The following TMPRSS7 variants were observed in gnomAD, a reference collection of about 807,000 sequenced individuals.
The protein encoded by TMPRSS7 is transmembrane protease serine 7.
Under a neutral mutation model 95.6 loss-of-function variants are expected in TMPRSS7, and 81 were observed. That is an observed-to-expected ratio of 0.85 (90% CI 0.71 to 1.02). The LOEUF (loss-of-function observed/expected upper bound fraction) is 1.02. Ranked by LOEUF, TMPRSS7 falls within the 50% of genes least tolerant of loss-of-function variation. The pLI is 0.00. For synonymous variants in TMPRSS7, 364 were observed against 337.8 expected (o/e 1.08, Z -0.85); for missense variants, 945 against 955.2 (o/e 0.99, Z 0.14).
exon 18 of TMPRSS7, chr3:112,080,979 T>C: frequency 6.2e-7 from 1 of 1,613,998 alleles, no homozygotes; most frequent in Non-Finnish European, 8.5e-7. Flanking sequence ...TGACTGGCAT[T>C]GTTAGCTGGG....
chr3:112,052,298 A>G (rs1221925190), intron 9 of TMPRSS7, among the ~76,000 whole-genome samples: 1 of 152,052 alleles, frequency 6.6e-6, no homozygotes, highest in Non-Finnish European at 1.5e-5. Flanking sequence ...ATACCAGGAT[A>G]AGAATGTTGC....
At chr3:112,071,503 G>C (rs1219869491) in intron 13 of TMPRSS7, among the ~76,000 whole-genome samples, 7 of 152,326 alleles carry the variant, frequency 4.6e-5, no homozygotes, top group African/African-American at 1.7e-4. Flanking sequence ...GCCATGTAAG[G>C]TTGGGGAAGT....
At chr3:112,074,325 T>G in exon 14 of TMPRSS7, 5 of 1,614,062 alleles carry the variant, frequency 3.1e-6, no homozygotes, top group Non-Finnish European at 4.2e-6. Context: ...AACTTTTAAG[T>G]GTGGCAATGA....
intron 2 of TMPRSS7, among the ~76,000 whole-genome samples, chr3:112,041,177 G>A (rs532570455): frequency 1.3e-5 from 2 of 151,920 alleles, no homozygotes; most frequent in South Asian, 2.1e-4. Context: ...CTAGAGGCAA[G>A]GTGATCAGTC....
At chr3:112,060,022 C>A (rs932690025) in intron 10 of TMPRSS7, among the ~76,000 whole-genome samples, 2 of 152,038 alleles carry the variant, frequency 1.3e-5, no homozygotes, top group African/African-American at 2.4e-5. Flanking sequence ...GGACAGAGTA[C>A]AAAAGAGAGA....
In TMPRSS7 at chr3:112,063,403, TA is replaced by T; in HGVS notation, c.1448-120del. On this transcript the variant is annotated intron_variant, in intron 11 of 17. Transcript: ENST00000452346. ...GCCTTCATTTGATGAAGACACTATGTAATTATTACTGCTACCCTGCCAACTC... is the reference window on the plus strand; with the variant it reads ...GCCTTCATTTGATGAAGACACTATGTATTATTACTGCTACCCTGCCAACTC... The T allele has an allele frequency of 1.4e-5, 10 of 707,936 alleles. No individual in the cohort carries two copies. The South Asian group carries it at 1.7e-4, about 12-fold the overall frequency. 43.9% of individuals were successfully genotyped at this position (707,936 alleles called of 1,614,324 possible). A position where few individuals can be genotyped will look rare whatever the true frequency, so the allele number is the denominator to read the frequency against.
intron 9 of TMPRSS7, 88 bp from the exon 10 acceptor site, chr3:112,056,937 A>C (rs2073439686): frequency 1.1e-6 from 1 of 881,906 alleles, no homozygotes; most frequent in Admixed American, 2.3e-5. Context: ...GCGCAAGTAG[A>C]ATGGCCTTAA....
intron 4 of TMPRSS7, 91 bp downstream of exon 4, chr3:112,044,413 A>C: frequency 8.9e-7 from 1 of 1,120,760 alleles, no homozygotes; most frequent in Non-Finnish European, 1.3e-6. Context: ...ACCATTCCCA[A>C]GTAACTTCTT....
At chr3:112,049,798 A>G in intron 7 of TMPRSS7, 46 bp from the exon 8 acceptor site, 1 of 1,450,406 alleles carries the variant, frequency 6.9e-7, no homozygotes, top group Non-Finnish European at 9.2e-7. Context: ...CCCATTTCTC[A>G]AATAACGTAT....
At chr3:112,058,565 T>C (rs571665350) in intron 10 of TMPRSS7, among the ~76,000 whole-genome samples, 5 of 152,350 alleles carry the variant, frequency 3.3e-5, no homozygotes, top group African/African-American at 4.8e-5. Context: ...AAGATTGTTT[T>C]TGAAATGACA....
chr3:112,052,825 G>GA (rs1424637509), intron 9 of TMPRSS7, among the ~76,000 whole-genome samples: 3 of 151,920 alleles, frequency 2.0e-5, no homozygotes, highest in African/African-American at 7.2e-5. Flanking sequence ...GCCTTAAAAT[G>GA]AAAATTTTAA....
chr3:112,040,346 G>A (rs151101445), intron 2 of TMPRSS7, among the ~76,000 whole-genome samples: 83 of 152,146 alleles, frequency 5.5e-4, no homozygotes, highest in African/African-American at 1.9e-3. Flanking sequence ...GAGTTTTTTT[G>A]CTTAAGTGAT....
intron 13 of TMPRSS7, among the ~76,000 whole-genome samples, chr3:112,073,558 T>C (rs1353210541): frequency 6.6e-6 from 1 of 152,360 alleles, no homozygotes; most frequent in East Asian, 1.9e-4. Flanking sequence ...TGTCTGTTCA[T>C]ATCCTTTGCC....
At chr3:112,074,360 A>G in exon 14 of TMPRSS7, 1 of 1,614,142 alleles carries the variant, frequency 6.2e-7, no homozygotes, top group Non-Finnish European at 8.5e-7. Context: ...AACAAAATGC[A>G]AAATGTGATG....
rs150664133 is a variant in TMPRSS7, at chr3:112,057,721, T to C, written c.1310+590T>C. On this transcript the variant is annotated intron_variant, in intron 10 of 17. Coordinates refer to ENST00000452346, the Ensembl canonical transcript of TMPRSS7. ...AATTAAATAGTTTTGTTTTTTGTTT[T>C]GGTTTTTTATTTTTATTTTTTTGAG... Among the ~76,000 whole-genome samples, 409 of 152,298 alleles carry C rather than the reference T, an allele frequency of 2.7e-3. 10 individuals carry two copies. In the South Asian group the frequency reaches 0.041, roughly 15 times the overall value.
chr3:112,040,907 C>T (rs2073199985), intron 2 of TMPRSS7, among the ~76,000 whole-genome samples: 1 of 152,100 alleles, frequency 6.6e-6, no homozygotes, highest in African/African-American at 2.4e-5. Context: ...GGATCTTGTA[C>T]ATTAGGCTGA....
At chr3:112,074,482 T>G in intron 14 of TMPRSS7, 70 bp downstream of exon 14, 2 of 1,202,640 alleles carry the variant, frequency 1.7e-6, no homozygotes, top group Non-Finnish European at 2.4e-6. Context: ...ATATTTTCAT[T>G]CCCTTCTTGG....
exon 9 of TMPRSS7, chr3:112,050,690 G>T (rs549222315): frequency 6.2e-7 from 1 of 1,602,736 alleles, no homozygotes; most frequent in African/African-American, 1.3e-5. Flanking sequence ...ACACAGTGTT[G>T]GTCAAAGACA....
chr3:112,052,727 G>A (rs1293132297), intron 9 of TMPRSS7, among the ~76,000 whole-genome samples: 1 of 152,166 alleles, frequency 6.6e-6, no homozygotes, highest in Admixed American at 6.5e-5. Context: ...TGTGATAGCA[G>A]AAAAAGACAG....
Sources: allele counts gnomAD v4.1 joint callset (sites outside exome capture counted in the v4.1 genomes callset), GRCh38; gene constraint gnomAD v4.1.1; transcripts MANE v1.5; gene names NCBI Gene and HGNC (gene_info 2026-07-23, HGNC 2026-07-21).